TNRC6B: variants seen among roughly 807,000 people sequenced by gnomAD.
TNRC6B encodes the protein trinucleotide repeat containing adaptor 6B.
A neutral mutation model predicts 203.6 loss-of-function variants in TNRC6B; 52 were observed. The ratio of observed to expected loss-of-function variants is 0.26; its 90% CI spans 0.20 to 0.32. TNRC6B has a LOEUF of 0.32. TNRC6B is among the 10% of genes least tolerant of loss of function. The pLI is 1.00. For missense variants in TNRC6B, 1,923 were observed against 2,286.2 expected (o/e 0.84, Z 3.24); for synonymous variants, 838 against 845.7 (o/e 0.99, Z 0.16).
At chr22:40,299,420 G>A (rs988109663) in intron 12 of TNRC6B, among the ~76,000 whole-genome samples, 1 of 152,106 alleles carries the variant, frequency 6.6e-6, no homozygotes, top group African/African-American at 2.4e-5. Flanking sequence ...TGTATTTTTA[G>A]TAGAGACGGG....
intron 15 of TNRC6B, among the ~76,000 whole-genome samples, chr22:40,307,785 C>G (rs183680849): frequency 1.3e-5 from 2 of 152,268 alleles, no homozygotes; most frequent in East Asian, 3.9e-4. Context: ...CCACCCACCC[C>G]ACACTCAGGC....
At chr22:40,238,050 G>A (rs1439406749) in intron 1 of TNRC6B, among the ~76,000 whole-genome samples, 1 of 152,068 alleles carries the variant, frequency 6.6e-6, no homozygotes, top group African/African-American at 2.4e-5. Context: ...TTCTTTAAAC[G>A]CATCTCCCCC....
Position 40,156,093 on chromosome 22 carries a change from C to T in TNRC6B, c.46-22C>T, listed in dbSNP as rs754028281. 1.5e-5 allele frequency: 23 copies of T among 1,565,580 alleles called. No homozygotes were observed. In the South Asian group the frequency reaches 2.7e-4, roughly 18 times the overall value. On this transcript the variant is annotated intron_variant, in intron 3 of 23. Transcript: ENST00000301923. The stretch of plus-strand genomic sequence containing the variant: ...CATTGTAGTTACTGACTGCTGCTGA[C>T]CTGTGGTGCTTGCCTTTGCAGGTGG...
chr22:40,055,039 A>G (rs1027031726), intron 1 of TNRC6B, among the ~76,000 whole-genome samples: 16 of 152,200 alleles, frequency 1.1e-4, no homozygotes, highest in African/African-American at 3.9e-4. Context: ...TCCGTCTCCA[A>G]AAAAAGAAAA....
rs530386816 is a variant in TNRC6B at position 40,177,937 on chromosome 22, GGA to G, written c.-189_-188del. 414 of 1,382,828 alleles carry G rather than the reference GGA, an allele frequency of 3.0e-4. 1 individual carries two copies. In the African/African-American group the frequency reaches 5.4e-3, roughly 18 times the overall value. 85.7% of individuals were successfully genotyped at this position (1,382,828 alleles called of 1,614,324 possible). A position where few individuals can be genotyped will look rare whatever the true frequency, so the allele number is the denominator to read the frequency against. ...AGCTGCTTCCTTTAGAGACAGAGAG[GGA>G]GAGAGAGAGCAAGAGGGAGAGTGTG... On this transcript the variant is annotated 5_prime_UTR_variant, in exon 1 of 23. Coordinates refer to ENST00000454349, the MANE Select transcript of TNRC6B (RefSeq NM_001162501.2).
chr22:40,099,113 C>A (rs761865725), intron 1 of TNRC6B, among the ~76,000 whole-genome samples: 4 of 151,734 alleles, frequency 2.6e-5, no homozygotes, highest in Non-Finnish European at 5.9e-5. Context: ...AGCCGGGCAC[C>A]GTGGTGGACG....
At chr22:40,126,757 ATTTTTGTAT>A (rs2068497667) in intron 3 of TNRC6B, among the ~76,000 whole-genome samples, 1 of 150,398 alleles carries the variant, frequency 6.6e-6, no homozygotes. Context: ...AACCTGGCTA[ATTTTTGTAT>A]TTTTTGTAGA....
Position 40,321,187 on chromosome 22 carries a change from G to A in TNRC6B, c.5072G>A (p.Ser1691Asn). ...LTQGTALIRY[S>N]TKQEAAKAQT... is the part of the protein sequence containing the mutation. ...CAGGGCACTGCCCTGATCCGATACA[G>A]CACCAAACAGGAGGCGGCCAAGGCC... Residue 1691 changes from serine to asparagine, a missense_variant, in exon 22 of 23, where the codon AGC becomes AAC. This residue lies in a region of TNRC6B where 34 missense variants were observed against 98.5 expected (regional missense o/e 0.35). Coordinates refer to ENST00000454349, the MANE Select transcript of TNRC6B (RefSeq NM_001162501.2). 1 of 1,613,962 alleles carries A rather than the reference G, an allele frequency of 6.2e-7. No individual in the cohort carries two copies. Among genetic ancestry groups the A allele is most frequent in the Non-Finnish European group, 8.5e-7 (1 of 1,179,894 alleles).
At position 40,335,396 on chromosome 22, in the gene TNRC6B, C is replaced by G. The variant is rs997851555; in HGVS notation, c.*12155C>G. 1.3e-5 allele frequency: 2 copies of G among 149,208 alleles called. No homozygotes were observed. The highest frequency in any genetic ancestry group is 2.5e-5 in the African/African-American group (1 of 40,382). The allele number at this position is 149,208 out of a possible 1,614,324, so 9.2% of individuals were successfully genotyped here. A position where few individuals can be genotyped will look rare whatever the true frequency, so the allele number is the denominator to read the frequency against. ...ACAAACAATAAAATGTTAAACTCTA[C>G]TAATGTACAAATAAGCTGAAAAGTT... is the stretch of plus-strand genomic sequence containing the variant. On this transcript the variant is annotated 3_prime_UTR_variant, in exon 23 of 23. Transcript: ENST00000454349.
intron 1 of TNRC6B, among the ~76,000 whole-genome samples, chr22:40,102,443 T>G (rs2068248200): frequency 6.6e-6 from 1 of 152,226 alleles, no homozygotes; most frequent in South Asian, 2.1e-4. Flanking sequence ...TTTAATTATT[T>G]CTTAATTTTT....
At position 40,108,224 on chromosome 22, in the gene TNRC6B, G is replaced by A. The variant is rs137914997; in HGVS notation, c.-120-8831G>A. Among the ~76,000 whole-genome samples the A allele has an allele frequency of 2.8e-3, 428 of 152,254 alleles. 2 individuals carry two copies. Among genetic ancestry groups the A allele is most frequent in the African/African-American group, 9.6e-3 (400 of 41,538 alleles). ...GAGGCTCTGGAGAGGAAAACCTGAC[G>A]TGGCCTCTAGAGAATGTTGCCCAGG... is the stretch of plus-strand genomic sequence containing the variant. On this transcript the variant is annotated intron_variant, in intron 1 of 23. Transcript: ENST00000301923.
At chr22:40,075,156 A>ATATT in intron 1 of TNRC6B, among the ~76,000 whole-genome samples, 47 of 35,538 alleles carry the variant, frequency 1.3e-3, no homozygotes, top group East Asian at 4.5e-3. Context: ...ATATATATAT[A>ATATT]TTTTTTTTTT....
At chr22:40,233,346 G>A (rs943431270) in intron 1 of TNRC6B, among the ~76,000 whole-genome samples, 16 of 149,830 alleles carry the variant, frequency 1.1e-4, no homozygotes, top group Admixed American at 2.0e-4. Context: ...ATTATCAGCC[G>A]GTCGCGGTGG....
intron 2 of TNRC6B, among the ~76,000 whole-genome samples, chr22:40,120,325 G>C (rs1467309220): frequency 1.5e-5 from 2 of 136,240 alleles, no homozygotes; most frequent in Non-Finnish European, 3.0e-5. Flanking sequence ...GACAGAGTGA[G>C]ACCCTGTCTC....
At position 40,335,444 on chromosome 22, in the gene TNRC6B, C is replaced by CA. The variant is rs999286207; in HGVS notation, c.*12204dup. The CA allele has an allele frequency of 6.9e-6, 1 of 144,058 alleles. No homozygotes were observed. Among genetic ancestry groups the CA allele is most frequent in the African/African-American group, 2.6e-5 (1 of 38,724 alleles). 8.9% of individuals were successfully genotyped at this position (144,058 alleles called of 1,614,324 possible). A position where few individuals can be genotyped will look rare whatever the true frequency, so the allele number is the denominator to read the frequency against. ...GTTGCATTTTATGTGTATTTTTTGC[C>CA]ATAGCAGGTACTGTATTTCTCATGC... On this transcript the variant is annotated 3_prime_UTR_variant, in exon 23 of 23. Transcript: ENST00000454349.
At chr22:40,173,604 G>A (rs1387951364), upstream of TNRC6B, among the ~76,000 whole-genome samples, 1 of 147,780 alleles carries the variant, frequency 6.8e-6, no homozygotes, top group Admixed American at 6.8e-5. Context: ...TTGTAGAGGC[G>A]AGATCTCACT....
rs775647766 is a variant in TNRC6B at position 40,266,001 on chromosome 22, C to T, written c.1771C>T (p.Arg591Trp). The T allele has an allele frequency of 5.0e-6, 8 of 1,613,744 alleles. No individual in the cohort carries two copies. The highest frequency in any genetic ancestry group is 1.3e-5 in the African/African-American group (1 of 74,924). Residue 591 changes from arginine to tryptophan, a missense_variant, in exon 5 of 23, where the codon CGG (arginine) becomes TGG (tryptophan). By Grantham distance (101) the Arg-to-Trp change is moderately radical (BLOSUM62 -3). Around this residue, in one of 8 missense-constraint regions of TNRC6B, gnomAD observed 614 missense variants for 587.7 expected, o/e 1.04. Transcript: ENST00000454349. ...GSSDSHNSGR[R>W]SYRPTHPDCQ... ...TAGTGACAGTCATAACTCTGGCCGT[C>T]GGTCGTACAGGCCCACACATCCTGA...
intron 12 of TNRC6B, among the ~76,000 whole-genome samples, chr22:40,291,771 A>G (rs780409760): frequency 2.6e-5 from 4 of 152,214 alleles, no homozygotes; most frequent in Non-Finnish European, 4.4e-5. Flanking sequence ...CATTTTTTCT[A>G]AATTTAGTTG....
chr22:40,092,410 A>T (rs1827127929), intron 1 of TNRC6B, among the ~76,000 whole-genome samples: 1 of 152,166 alleles, frequency 6.6e-6, no homozygotes, highest in Non-Finnish European at 1.5e-5. Flanking sequence ...TCAAAAAAAA[A>T]AAAACAGATT....
Sources: allele counts gnomAD v4.1 joint callset (sites outside exome capture counted in the v4.1 genomes callset), GRCh38; gene constraint gnomAD v4.1.1; regional missense constraint gnomAD v4.1.1; transcripts MANE v1.5; gene names NCBI Gene and HGNC (gene_info 2026-07-23, HGNC 2026-07-21).